MALRD1: variants seen among roughly 807,000 people sequenced by gnomAD.
The protein encoded by MALRD1 is MAM and LDL receptor class A domain containing 1, also known as MAM and LDL-receptor class A domain-containing protein 1.
A neutral mutation model predicts 242.1 loss-of-function variants in MALRD1; 247 were observed. That is an observed-to-expected ratio of 1.02 (90% CI 0.92 to 1.13). The LOEUF is 1.13. Among genes scored for constraint, MALRD1 ranks in the 50% most tolerant of loss-of-function variants. The pLI is 0.00. For missense variants in MALRD1, 2,989 were observed against 2,533.1 expected (o/e 1.18, Z -3.86); for synonymous variants, 995 against 866.6 (o/e 1.15, Z -2.60).
chr10:19,719,457 T>A (rs73597605), intron 38 of MALRD1, among the ~76,000 whole-genome samples: 1 of 151,712 alleles, frequency 6.6e-6, no homozygotes, highest in Non-Finnish European at 1.5e-5. Context: ...TTCCTGGGCA[T>A]GTTCCCATTA....
At chr10:19,733,866 A>G (rs1278646732) in intron 39 of MALRD1, among the ~76,000 whole-genome samples, 2 of 152,110 alleles carry the variant, frequency 1.3e-5, no homozygotes, top group Non-Finnish European at 2.9e-5. Flanking sequence ...TAGTGAAACC[A>G]GCACCAGAGA....
chr10:19,566,605 GA>G (rs532377509), intron 32 of MALRD1, among the ~76,000 whole-genome samples: 1 of 150,272 alleles, frequency 6.7e-6, no homozygotes, highest in African/African-American at 2.4e-5. Flanking sequence ...TTTCCCATGT[GA>G]AAAAAAGGGT....
chr10:19,393,675 C>T (rs1846445430), intron 28 of MALRD1, among the ~76,000 whole-genome samples: 1 of 149,250 alleles, frequency 6.7e-6, no homozygotes, highest in African/African-American at 2.5e-5. Flanking sequence ...CCAGGATGGT[C>T]TCCATCGCCT....
chr10:19,730,594 T>A, intron 38 of MALRD1, 112 bp from the exon 39 acceptor site: 1 of 1,071,114 alleles, frequency 9.3e-7, no homozygotes, highest in Non-Finnish European at 1.4e-6. Context: ...TGAAAATAAG[T>A]GTGCTGGCTA....
In MALRD1 at chr10:19,445,532, C is replaced by G. The variant is rs138952862; in HGVS notation, c.4846-4775C>G. Among the ~76,000 whole-genome samples the G allele has an allele frequency of 3.8e-3, 578 of 152,330 alleles. 4 individuals are homozygous for G. Among genetic ancestry groups the G allele is most frequent in the African/African-American group, 0.013 (558 of 41,574 alleles). On this transcript the variant is annotated intron_variant, in intron 28 of 39. Coordinates refer to ENST00000454679, the MANE Select transcript of MALRD1 (RefSeq NM_001142308.3). ...TTCTGTTTGTTAGTTTTCCTTCTAA[C>G]AGTCAGGACCCTCAGCTGCAGGTTT...
At chr10:19,341,440 ATATATATATATG>A (rs1564576915) in intron 24 of MALRD1, among the ~76,000 whole-genome samples, 6 of 40,676 alleles carry the variant, frequency 1.5e-4, no homozygotes, top group African/African-American at 6.3e-4. Flanking sequence ...CACTATATGT[ATATATATATATG>A]TGTATATATA....
chr10:19,722,590 T>TGAAAAAAAA (rs1834813946), intron 38 of MALRD1: 1 of 45,366 alleles, frequency 2.2e-5, no homozygotes, highest in East Asian at 6.1e-4. Flanking sequence ...ACCATGTCTC[T>TGAAAAAAAA]AAAAAAAAAA....
At chr10:19,332,646 C>T (rs1843427357) in intron 24 of MALRD1, among the ~76,000 whole-genome samples, 1 of 152,100 alleles carries the variant, frequency 6.6e-6, no homozygotes, top group Admixed American at 6.5e-5. Flanking sequence ...GGAACCAAAC[C>T]TGGAATATCA....
At chr10:19,503,221 A>G (rs922716014) in intron 31 of MALRD1, among the ~76,000 whole-genome samples, 4 of 152,210 alleles carry the variant, frequency 2.6e-5, no homozygotes, top group Admixed American at 6.5e-5. Flanking sequence ...AAATAATGGG[A>G]TGCTGAATAA....
At position 19,321,163 on chromosome 10, in the gene MALRD1, G is replaced by C. The variant is rs937679553; in HGVS notation, c.3420-2786G>C. On this transcript the variant is annotated intron_variant, in intron 21 of 39. Transcript: ENST00000454679. Reference sequence around the variant, plus strand: ...TTGCCCATGCTTGTGTCCTGAAGGAGTCTTGATGTCTGATTAAGTCCTGCA... The same window carrying C: ...TTGCCCATGCTTGTGTCCTGAAGGACTCTTGATGTCTGATTAAGTCCTGCA... Among the ~76,000 whole-genome samples the C allele has an allele frequency of 4.0e-5, 6 of 151,878 alleles. No individual in the cohort carries two copies. The East Asian group carries it at 9.7e-4, about 24-fold the overall frequency.
chr10:19,362,680 C>A (rs1844942021), intron 26 of MALRD1, among the ~76,000 whole-genome samples: 1 of 151,984 alleles, frequency 6.6e-6, no homozygotes, highest in South Asian at 2.1e-4. Context: ...ACTACAAGGG[C>A]TTTGGTTTTA....
At chr10:19,719,029 G>A (rs902962039) in intron 38 of MALRD1, among the ~76,000 whole-genome samples, 8 of 150,538 alleles carry the variant, frequency 5.3e-5, no homozygotes, top group African/African-American at 7.3e-5. Flanking sequence ...TGGTCATGGC[G>A]GTACGTGGCT....
chr10:19,090,135 G>T (rs370334958), intron 4 of MALRD1, among the ~76,000 whole-genome samples: 9,862 of 30,150 alleles, frequency 0.33, 15 homozygotes, highest in African/African-American at 0.42. Flanking sequence ...AAAGTCATTG[G>T]TAGCTTGATG....
chr10:19,303,036 C>T (rs1842018589), intron 21 of MALRD1, among the ~76,000 whole-genome samples: 1 of 151,226 alleles, frequency 6.6e-6, no homozygotes, highest in Non-Finnish European at 1.5e-5. Context: ...CCTAAAGTAA[C>T]AAAAGATTAA....
chr10:19,247,682 A>T (rs1346706793), intron 18 of MALRD1, among the ~76,000 whole-genome samples: 1 of 152,110 alleles, frequency 6.6e-6, no homozygotes, highest in Non-Finnish European at 1.5e-5. Flanking sequence ...CATTAACATT[A>T]TATTTTTATT....
chr10:19,485,411 A>T (rs1837191891), intron 29 of MALRD1, among the ~76,000 whole-genome samples: 1 of 152,196 alleles, frequency 6.6e-6, no homozygotes, highest in African/African-American at 2.4e-5. Flanking sequence ...TGGGAGGCCA[A>T]GGCAGGCAGA....
At chr10:19,179,541 T>C (rs955329365) in intron 14 of MALRD1, among the ~76,000 whole-genome samples, 1 of 151,968 alleles carries the variant, frequency 6.6e-6, no homozygotes, top group African/African-American at 2.4e-5. Flanking sequence ...TCCCAGCTAC[T>C]CAGGAGGTGC....
At chr10:19,121,532 A>G (rs1367436044) in intron 5 of MALRD1, among the ~76,000 whole-genome samples, 1 of 152,204 alleles carries the variant, frequency 6.6e-6, no homozygotes, top group Non-Finnish European at 1.5e-5. Flanking sequence ...GATCAGGAGA[A>G]TGTTTTTCTA....
chr10:19,592,755 A>ACACGCGCGCGCG (rs1554808894), intron 33 of MALRD1, among the ~76,000 whole-genome samples: 1 of 119,378 alleles, frequency 8.4e-6, no homozygotes, highest in African/African-American at 2.9e-5. Context: ...ACACACACAC[A>ACACGCGCGCGCG]CACACACGCA....
Sources: gnomAD v4.1 joint callset for allele counts (sites outside exome capture counted in the v4.1 genomes callset) on GRCh38, gnomAD v4.1.1 for gene constraint, MANE v1.5 for transcripts, NCBI Gene and HGNC (gene_info 2026-07-23, HGNC 2026-07-21) for gene names.